FEZ1: variants seen among roughly 807,000 people sequenced by gnomAD.
FEZ1 encodes the protein fasciculation and elongation protein zeta-1.
In FEZ1, 20 loss-of-function variants were observed where a neutral mutation model predicts 49.3. That is an observed-to-expected ratio of 0.41 (90% CI 0.29 to 0.59). The LOEUF is 0.59. Ranked by LOEUF, FEZ1 falls within the 20% of genes least tolerant of loss-of-function variation. The pLI, the probability that FEZ1 is intolerant of heterozygous loss-of-function variation, is 0.36. For missense variants in FEZ1, 413 were observed against 476.0 expected (o/e 0.87, Z 1.23); for synonymous variants, 170 against 180.9 (o/e 0.94, Z 0.48).
At chr11:125,467,140 C>T (rs1957138367) in intron 3 of FEZ1, among the ~76,000 whole-genome samples, 1 of 151,910 alleles carries the variant, frequency 6.6e-6, no homozygotes, top group South Asian at 2.1e-4. Context: ...CTCGAGTGAT[C>T]CTCCTGCCTC....
At chr11:125,462,548 A>AGG (rs1486728707) in intron 4 of FEZ1, among the ~76,000 whole-genome samples, 1 of 152,192 alleles carries the variant, frequency 6.6e-6, no homozygotes, top group African/African-American at 2.4e-5. Context: ...GAATTTCAAT[A>AGG]AGAAGGCTTA....
intron 4 of FEZ1, 142 bp downstream of exon 4, chr11:125,463,342 A>G: frequency 1.7e-6 from 1 of 590,164 alleles, no homozygotes; most frequent in South Asian, 2.1e-5. Context: ...AAGAAACAAA[A>G]AATACTCTGA....
chr11:125,447,692 G>A (rs1379028567), intron 9 of FEZ1, among the ~76,000 whole-genome samples: 1 of 152,044 alleles, frequency 6.6e-6, no homozygotes, highest in Non-Finnish European at 1.5e-5. Flanking sequence ...CATGGTGGCA[G>A]GCGCCTGTAA....
intron 8 of FEZ1, among the ~76,000 whole-genome samples, chr11:125,449,416 A>AT (rs1429131223): frequency 8.9e-5 from 10 of 112,928 alleles, no homozygotes; most frequent in Non-Finnish European, 1.4e-4. Context: ...CTTTGTCTCT[A>AT]TAAAAAAAAA....
At chr11:125,459,117 T>C (rs1957047689) in intron 5 of FEZ1, among the ~76,000 whole-genome samples, 1 of 151,984 alleles carries the variant, frequency 6.6e-6, no homozygotes, top group Admixed American at 6.6e-5. Context: ...CATCTCTCAT[T>C]GTTCTGAGCA....
rs374307817 is a variant in FEZ1, at chr11:125,448,024, C to T, written c.1162+478G>A. 4.1e-4 allele frequency among the ~76,000 whole-genome samples: 62 copies of T among 152,194 alleles called. No individual in the cohort carries two copies. The South Asian group carries it at 7.5e-3, about 18-fold the overall frequency. On this transcript the variant is annotated intron_variant, in intron 9 of 9. Transcript: ENST00000278919. ...GTAAATGAAATAAGCCTGGCCGGGA[C>T]TTAATAACTGTTGATGCCAGCTCAT...
At chr11:125,479,707 A>T (rs1270047768) in intron 3 of FEZ1, among the ~76,000 whole-genome samples, 1 of 152,256 alleles carries the variant, frequency 6.6e-6, no homozygotes, top group Non-Finnish European at 1.5e-5. Context: ...ATGTGGGGAC[A>T]CAGTGAGAAG....
chr11:125,451,281 T>TAG (rs1381309161), intron 8 of FEZ1: 8 of 152,230 alleles, frequency 5.3e-5, no homozygotes, highest in Non-Finnish European at 1.0e-4. Flanking sequence ...CACTGTACTT[T>TAG]GATTTTAAAA....
chr11:125,457,422 A>AT, intron 5 of FEZ1, among the ~76,000 whole-genome samples: 12 of 38,626 alleles, frequency 3.1e-4, no homozygotes, highest in African/African-American at 1.1e-3. Flanking sequence ...AAAAAAAAAA[A>AT]AAAAAAAATA....
chr11:125,447,878 T>C (rs1956912877), intron 9 of FEZ1, among the ~76,000 whole-genome samples: 1 of 152,096 alleles, frequency 6.6e-6, no homozygotes, highest in African/African-American at 2.4e-5. Flanking sequence ...AATGGTATTA[T>C]GGCTATGTTT....
intron 3 of FEZ1, chr11:125,469,244 C>G (rs751370059): frequency 6.6e-6 from 1 of 152,410 alleles, no homozygotes; most frequent in Non-Finnish European, 1.5e-5. Flanking sequence ...CAAGCCCTGA[C>G]CCCATAGCCT....
chr11:125,490,371 G>A (rs1408650304), intron 1 of FEZ1, among the ~76,000 whole-genome samples: 1 of 152,088 alleles, frequency 6.6e-6, no homozygotes, highest in Non-Finnish European at 1.5e-5. Context: ...TGTGTGTTTT[G>A]CTGCAGAAAT....
At chr11:125,490,679 T>G (rs868308912) in intron 1 of FEZ1, among the ~76,000 whole-genome samples, 1 of 152,024 alleles carries the variant, frequency 6.6e-6, no homozygotes, top group Non-Finnish European at 1.5e-5. Context: ...CTGGGCAACA[T>G]AGTAAGGTCC....
At chr11:125,464,024 T>C (rs1466575069) in intron 3 of FEZ1, among the ~76,000 whole-genome samples, 1 of 152,180 alleles carries the variant, frequency 6.6e-6, no homozygotes, top group East Asian at 1.9e-4. Context: ...AATAGGTTGT[T>C]CTAGTCCAAA....
At chr11:125,493,740 A>T (rs1350462573) in intron 1 of FEZ1, among the ~76,000 whole-genome samples, 1 of 152,192 alleles carries the variant, frequency 6.6e-6, no homozygotes. Context: ...CATTTTACAG[A>T]GATATGAAAG....
In FEZ1 at chr11:125,486,007, G is replaced by A. The variant is rs574171982; in HGVS notation, c.311+3460C>T. On this transcript the variant is annotated intron_variant, in intron 2 of 9. Transcript: ENST00000278919. ...AATGCGTTTGCTCAACTTTCTAGAT[G>A]TCCTCAAATGTTTAAATAGAATCAA... 3.3e-5 allele frequency among the ~76,000 whole-genome samples: 5 copies of A among 152,228 alleles called. No individual in the cohort carries two copies. The South Asian group carries it at 1.0e-3, about 32-fold the overall frequency.
At chr11:125,462,123 T>C (rs1265494719) in intron 4 of FEZ1, among the ~76,000 whole-genome samples, 1 of 152,244 alleles carries the variant, frequency 6.6e-6, no homozygotes, top group Non-Finnish European at 1.5e-5. Context: ...CCCACCTTTC[T>C]ATCACAGATA....
intron 8 of FEZ1, 76 bp downstream of exon 8, chr11:125,452,258 G>A (rs1195257489): frequency 9.1e-6 from 9 of 990,746 alleles, no homozygotes; most frequent in Middle Eastern, 2.4e-4. Context: ...TCGGGCCTGC[G>A]GCACGGAGGT....
intron 1 of FEZ1, among the ~76,000 whole-genome samples, chr11:125,493,056 G>T (rs1214422843): frequency 2.0e-5 from 3 of 151,820 alleles, no homozygotes; most frequent in African/African-American, 4.8e-5. Context: ...GCTGGGCACA[G>T]TGGCTCATGC....
Sources: allele counts gnomAD v4.1 joint callset (sites outside exome capture counted in the v4.1 genomes callset), GRCh38; gene constraint gnomAD v4.1.1; transcripts MANE v1.5; gene names NCBI Gene and HGNC (gene_info 2026-07-23, HGNC 2026-07-21).